The following TENM1 variants were observed in gnomAD, a reference collection of about 807,000 sequenced individuals.
TENM1 encodes the protein teneurin transmembrane protein 1.
A neutral mutation model predicts 174.8 loss-of-function variants in TENM1; 35 were observed. The ratio of observed to expected loss-of-function variants is 0.20; its 90% CI spans 0.15 to 0.27. TENM1 has a LOEUF of 0.27. Among genes scored for constraint, TENM1 ranks in the 10% least tolerant of loss-of-function variants. TENM1 has a pLI of 1.00. For synonymous variants in TENM1, 781 were observed against 798.7 expected, an observed-to-expected ratio of 0.98 and a Z score of 0.37; for missense variants, 1,633 against 2,130.1, an observed-to-expected ratio of 0.77 and a Z score of 4.59.
chrX:124,885,969 A>C lies in TENM1; in HGVS notation c.535+8327T>G, dbSNP rs113782628. ...ACCAGCAATCTCATGAATATCTATCAAAAGTGAAAAGATGGACAGTGCAAG... is the reference window on the plus strand; with the variant it reads ...ACCAGCAATCTCATGAATATCTATCCAAAGTGAAAAGATGGACAGTGCAAG... On this transcript the variant is annotated intron_variant, in intron 3 of 31. Transcript: ENST00000422452. 1.6e-3 allele frequency among the ~76,000 whole-genome samples: 178 copies of C among 112,026 alleles called. 1 individual carries two copies. The highest frequency in any genetic ancestry group is 5.5e-3 in the African/African-American group (171 of 30,933).
chrX:124,797,923 A>G (rs1403824950), intron 3 of TENM1, among the ~76,000 whole-genome samples: 1 of 109,851 alleles, frequency 9.1e-6, no homozygotes, highest in East Asian at 2.9e-4. Context: ...TTCAACCCCC[A>G]CTTATGAGTG....
chrX:124,643,136 G>A (rs2051061349), intron 10 of TENM1, among the ~76,000 whole-genome samples: 1 of 111,215 alleles, frequency 9.0e-6, no homozygotes, highest in Non-Finnish European at 1.9e-5. Context: ...GAAGAGAGAG[G>A]GAAAGTCCAA....
At chrX:124,491,764 A>G (rs182032089) in intron 20 of TENM1, among the ~76,000 whole-genome samples, 23 of 112,056 alleles carry the variant, frequency 2.1e-4, no homozygotes, top group Admixed American at 8.5e-4. Context: ...AGATGTTTCA[A>G]TTGGAAACGT....
chrX:125,153,707 G>A, the TENM1 span, among the ~76,000 whole-genome samples: 1 of 112,071 alleles, frequency 8.9e-6, no homozygotes, highest in African/African-American at 3.2e-5. Context: ...GGTGTTAAAC[G>A]TAAGGCAAAA....
At chrX:124,961,941 A>C (rs1429904615) in intron 1 of TENM1, among the ~76,000 whole-genome samples, 1 of 112,006 alleles carries the variant, frequency 8.9e-6, no homozygotes, top group Non-Finnish European at 1.9e-5. Context: ...AATGATCATG[A>C]AAATGGAAAG....
chrX:124,475,836 C>A (rs1410885432), intron 22 of TENM1, among the ~76,000 whole-genome samples: 1 of 111,327 alleles, frequency 9.0e-6, no homozygotes, highest in African/African-American at 3.3e-5. Context: ...AACGCATGCA[C>A]AAGGTGGGCA....
intron 3 of TENM1, among the ~76,000 whole-genome samples, chrX:124,880,737 C>A (rs2057289142): frequency 9.0e-6 from 1 of 111,346 alleles, no homozygotes; most frequent in African/African-American, 3.3e-5. Context: ...AATTTTTTAT[C>A]ATGAGGGGAA....
the TENM1 span, among the ~76,000 whole-genome samples, chrX:125,004,507 A>T: frequency 8.9e-6 from 1 of 112,234 alleles, no homozygotes; most frequent in Non-Finnish European, 1.9e-5. Flanking sequence ...GCTTCTTTGC[A>T]ATCCCATACA....
chrX:124,939,486 A>G (rs1467434660), intron 1 of TENM1, among the ~76,000 whole-genome samples: 1 of 111,316 alleles, frequency 9.0e-6, no homozygotes, highest in African/African-American at 3.3e-5. Context: ...AGAAAATTAA[A>G]ATTACTGTAT....
intron 23 of TENM1, among the ~76,000 whole-genome samples, chrX:124,425,029 T>C (rs1385023836): frequency 9.0e-6 from 1 of 111,716 alleles, no homozygotes; most frequent in African/African-American, 3.3e-5. Flanking sequence ...AATGGATTAA[T>C]ACGGTGTCCT....
chrX:124,987,701 T>TTGTGTGTGTGTG, the TENM1 span, among the ~76,000 whole-genome samples: 972 of 91,363 alleles, frequency 0.011, 10 homozygotes, highest in South Asian at 0.015. Flanking sequence ...GTTCTGCATT[T>TTGTGTGTGTGTG]TGTGTGTGTG....
At chrX:124,853,597 A>G (rs2056762597) in intron 3 of TENM1, among the ~76,000 whole-genome samples, 1 of 110,950 alleles carries the variant, frequency 9.0e-6, no homozygotes, top group South Asian at 3.8e-4. Context: ...GATGGCCTTT[A>G]TTTTTCTATG....
chrX:125,036,896 G>A, the TENM1 span, among the ~76,000 whole-genome samples: 1 of 111,196 alleles, frequency 9.0e-6, no homozygotes, highest in East Asian at 2.8e-4. Context: ...ATAATCAAGG[G>A]TGCAAAGGCA....
chrX:124,991,725 T>A, the TENM1 span, among the ~76,000 whole-genome samples: 2 of 110,394 alleles, frequency 1.8e-5, no homozygotes, highest in Non-Finnish European at 3.8e-5. Flanking sequence ...ACCCCACATT[T>A]ATCTTCAATG....
At chrX:124,608,659 G>A (rs768908852) in intron 11 of TENM1, among the ~76,000 whole-genome samples, 6 of 111,378 alleles carry the variant, frequency 5.4e-5, no homozygotes, top group Non-Finnish European at 7.6e-5. Flanking sequence ...GATGTTATCT[G>A]AAGTTCTAAT....
chrX:124,822,894 T>C (rs1603230293), intron 3 of TENM1, among the ~76,000 whole-genome samples: 2 of 112,182 alleles, frequency 1.8e-5, no homozygotes, highest in South Asian at 7.5e-4. Flanking sequence ...AAAAAACTTT[T>C]ACCTACAATC....
At chrX:124,806,659 T>C (rs990741404) in intron 3 of TENM1, among the ~76,000 whole-genome samples, 1 of 112,368 alleles carries the variant, frequency 8.9e-6, no homozygotes, top group Non-Finnish European at 1.9e-5. Context: ...CACTTTTGCA[T>C]TGCTATAAAG....
chrX:125,093,998 C>T, the TENM1 span, among the ~76,000 whole-genome samples: 217 of 112,121 alleles, frequency 1.9e-3, 1 homozygote, highest in African/African-American at 6.7e-3. Flanking sequence ...TAAGACTCTT[C>T]CTCTGCGTGG....
chrX:124,941,255 C>T (rs1416878814), intron 1 of TENM1, among the ~76,000 whole-genome samples: 4 of 111,875 alleles, frequency 3.6e-5, no homozygotes, highest in Non-Finnish European at 7.5e-5. Flanking sequence ...CTCCTAAATG[C>T]CAAAACTGGT....
Sources: gnomAD v4.1 joint callset for allele counts (sites outside exome capture counted in the v4.1 genomes callset) on GRCh38, gnomAD v4.1.1 for gene constraint, MANE v1.5 for transcripts, NCBI Gene and HGNC (gene_info 2026-07-23, HGNC 2026-07-21) for gene names.